Variants in ALDH8A1 observed in about 807,000 individuals in gnomAD.
The protein encoded by ALDH8A1 is aldehyde dehydrogenase 8 family member A1, also known as 2-aminomuconic semialdehyde dehydrogenase.
Under a neutral mutation model 43.3 loss-of-function variants are expected in ALDH8A1, and 39 were observed. That is an observed-to-expected ratio of 0.90 (90% CI 0.70 to 1.18). ALDH8A1 has a LOEUF of 1.18. ALDH8A1 is among the 50% of genes most tolerant of loss of function. ALDH8A1 has a pLI of 0.00. For missense variants in ALDH8A1, 605 were observed against 622.6 expected, an observed-to-expected ratio of 0.97 and a Z score of 0.30; for synonymous variants, 233 against 243.5, an observed-to-expected ratio of 0.96 and a Z score of 0.40.
intron 1 of ALDH8A1, among the ~76,000 whole-genome samples, chr6:134,946,198 C>A (rs1773946454): frequency 6.6e-6 from 1 of 152,160 alleles, no homozygotes; most frequent in African/African-American, 2.4e-5. Context: ...TGATTCTCAT[C>A]TTAATTAGAA....
chr6:134,929,930 C>T (rs1330358008), intron 5 of ALDH8A1, among the ~76,000 whole-genome samples: 1 of 152,140 alleles, frequency 6.6e-6, no homozygotes, highest in African/African-American at 2.4e-5. Context: ...GGGAAGAGAG[C>T]AGAGGAGTTA....
At chr6:134,931,117 ATTAG>A (rs1478728573) in intron 5 of ALDH8A1, among the ~76,000 whole-genome samples, 1 of 152,142 alleles carries the variant, frequency 6.6e-6, no homozygotes, top group Non-Finnish European at 1.5e-5. Flanking sequence ...GGATTAGCCA[ATTAG>A]TTAGGCGTAT....
intron 1 of ALDH8A1, among the ~76,000 whole-genome samples, chr6:134,945,820 C>T (rs573518606): frequency 7.2e-5 from 11 of 152,274 alleles, no homozygotes; most frequent in African/African-American, 2.6e-4. Flanking sequence ...TGCAAAGTGA[C>T]TGATATGGCT....
chr6:134,919,182 A>G (rs1204659839), intron 6 of ALDH8A1, among the ~76,000 whole-genome samples: 2 of 152,224 alleles, frequency 1.3e-5, no homozygotes, highest in African/African-American at 4.8e-5. Flanking sequence ...TTAATCTATT[A>G]TTATCTTCTA....
rs1773813204 is a variant in ALDH8A1 at position 134,939,433 on chromosome 6, A to G, written c.443-18T>C. The G allele has an allele frequency of 1.9e-6, 3 of 1,612,104 alleles. No individual in the cohort carries two copies. The highest frequency in any genetic ancestry group is 2.5e-6 in the Non-Finnish European group (3 of 1,179,438). ...CAGACCAGCTAAGGGATGAGAGCAGAAGCACTGCCTGTGACGGCATACCCC... is the reference window on the plus strand; with the variant it reads ...CAGACCAGCTAAGGGATGAGAGCAGGAGCACTGCCTGTGACGGCATACCCC... On this transcript the variant is annotated intron_variant, in intron 3 of 6. Coordinates refer to ENST00000265605, the MANE Select transcript of ALDH8A1 (RefSeq NM_022568.4).
intron 6 of ALDH8A1, among the ~76,000 whole-genome samples, chr6:134,922,122 G>A (rs2114677000): frequency 6.6e-6 from 1 of 152,164 alleles, no homozygotes; most frequent in South Asian, 2.1e-4. Context: ...ACAGGAACAT[G>A]GGGTCAGCAG....
chr6:134,931,369 T>A (rs1193894677), intron 5 of ALDH8A1, among the ~76,000 whole-genome samples: 2 of 152,176 alleles, frequency 1.3e-5, no homozygotes, highest in African/African-American at 2.4e-5. Flanking sequence ...ATTTAAGAGA[T>A]TATCCTGCCT....
chr6:134,947,127 T>A (rs374046121), intron 1 of ALDH8A1, among the ~76,000 whole-genome samples: 7 of 152,272 alleles, frequency 4.6e-5, no homozygotes, highest in Admixed American at 2.0e-4. Flanking sequence ...TATGCATTGG[T>A]GAAAACATAG....
At chr6:134,941,714 G>A (rs968660742) in intron 3 of ALDH8A1, among the ~76,000 whole-genome samples, 21 of 151,788 alleles carry the variant, frequency 1.4e-4, no homozygotes, top group Admixed American at 7.2e-4. Flanking sequence ...TAGTAGAGAC[G>A]GGGTTTCACC....
intron 4 of ALDH8A1, among the ~76,000 whole-genome samples, chr6:134,938,697 G>C (rs551114138): frequency 6.6e-6 from 1 of 151,934 alleles, no homozygotes; most frequent in South Asian, 2.1e-4. Context: ...GCCCAGGCTG[G>C]AGTGCAGTGG....
chr6:134,918,180 T>G lies in ALDH8A1; in HGVS notation c.*235A>C, dbSNP rs922177836. On this transcript the variant is annotated 3_prime_UTR_variant, in exon 7 of 7. Transcript: ENST00000265605. ...CATAACCTGGGAGGAGCCTGACAAC[T>G]GGCATCATTGTTCTATCTTCCTACT... 4 of 521,916 alleles carry G rather than the reference T, an allele frequency of 7.7e-6. No homozygotes were observed. The highest frequency in any genetic ancestry group is 1.9e-5 in the African/African-American group (1 of 52,682). 32.3% of individuals were successfully genotyped at this position (521,916 alleles called of 1,614,324 possible).
intron 6 of ALDH8A1, among the ~76,000 whole-genome samples, chr6:134,922,216 A>G (rs1354761758): frequency 2.0e-5 from 3 of 152,152 alleles, no homozygotes; most frequent in African/African-American, 4.8e-5. Context: ...GTTCTACTCT[A>G]TGTGGGAGGG....
intron 1 of ALDH8A1, among the ~76,000 whole-genome samples, chr6:134,946,963 T>C (rs1386902602): frequency 1.3e-5 from 2 of 152,240 alleles, no homozygotes; most frequent in East Asian, 1.9e-4. Context: ...GATTGCACAC[T>C]ACCAGACTTT....
intron 1 of ALDH8A1, among the ~76,000 whole-genome samples, chr6:134,945,728 T>C (rs1443223848): frequency 6.6e-6 from 1 of 152,148 alleles, no homozygotes; most frequent in Non-Finnish European, 1.5e-5. Context: ...TTTGGGGCGC[T>C]TGACCCGAAG....
At chr6:134,921,476 G>A (rs73547168) in intron 6 of ALDH8A1, among the ~76,000 whole-genome samples, 2,120 of 152,338 alleles carry the variant, frequency 0.014, 51 homozygotes, top group African/African-American at 0.049. Flanking sequence ...CACAAGGATA[G>A]AATCCCCTGC....
chr6:134,942,484 G>T lies in ALDH8A1; in HGVS notation c.367C>A (p.His123Asn). 1.2e-6 allele frequency: 2 copies of T among 1,614,236 alleles called. No homozygotes were observed. The highest frequency in any genetic ancestry group is 8.5e-7 in the Non-Finnish European group (1 of 1,180,048). ...ATCTGCGTGCACTCTGACGTGTGGT[G>T]CAGGCTGGAGGAAGCGAAGAACCTG... ...NFRFFASSSL[H>N]HTSECTQMDH... Residue 123 changes from histidine (H) to asparagine (N), a missense_variant, in exon 3 of 7, where the codon CAC becomes AAC. By Grantham distance (68) the His-to-Asn change is moderately conservative. Transcript: ENST00000265605.
At chr6:134,928,052 C>T (rs756564790) in intron 6 of ALDH8A1, among the ~76,000 whole-genome samples, 5 of 152,182 alleles carry the variant, frequency 3.3e-5, no homozygotes, top group Non-Finnish European at 7.3e-5. Flanking sequence ...TGCTGGTCAT[C>T]CTCACTTTAA....
Position 134,936,880 on chromosome 6 carries a change from A to G in ALDH8A1, c.592+2386T>C, listed in dbSNP as rs547160913. ...AGAGAAGGAAAGCAGTTTAACTGAC[A>G]AATAGCAATTTAGCAAAACTCAGGG... is the stretch of plus-strand genomic sequence containing the variant. On this transcript the variant is annotated intron_variant, in intron 4 of 6. Transcript: ENST00000265605. Among the ~76,000 whole-genome samples, 40 of 152,342 alleles carry G rather than the reference A, an allele frequency of 2.6e-4. 1 individual carries two copies. The highest frequency in any genetic ancestry group is 6.8e-3 in the Middle Eastern group (2 of 294).
intron 6 of ALDH8A1, among the ~76,000 whole-genome samples, chr6:134,922,634 C>T (rs749414572): frequency 1.3e-5 from 2 of 152,008 alleles, no homozygotes; most frequent in Admixed American, 6.6e-5. Flanking sequence ...GTGATCCACC[C>T]GCCTCAGCCA....
Sources: gnomAD v4.1 joint callset for allele counts (sites outside exome capture counted in the v4.1 genomes callset) on GRCh38, gnomAD v4.1.1 for gene constraint, MANE v1.5 for transcripts, NCBI Gene and HGNC (gene_info 2026-07-23, HGNC 2026-07-21) for gene names.